Variants in KCNN3 observed in about 807,000 individuals in gnomAD.
KCNN3 encodes small conductance calcium-activated potassium channel protein 3.
A neutral mutation model predicts 62.9 loss-of-function variants in KCNN3; 16 were observed. The observed-to-expected ratio is 0.25, with a 90% CI of 0.17 to 0.39. KCNN3 has a LOEUF of 0.39. KCNN3 is among the 10% of genes least tolerant of loss of function. KCNN3 has a pLI of 1.00. For missense variants in KCNN3, 599 were observed against 949.4 expected (o/e 0.63, Z 4.85); for synonymous variants, 370 against 389.2 (o/e 0.95, Z 0.58).
intron 3 of KCNN3, among the ~76,000 whole-genome samples, chr1:154,734,630 G>T (rs1203820330): frequency 1.3e-5 from 2 of 152,194 alleles, no homozygotes. Flanking sequence ...GATGCATCTA[G>T]AGATGGGCCT....
intron 3 of KCNN3, among the ~76,000 whole-genome samples, chr1:154,748,258 C>G (rs1248662790): frequency 6.6e-6 from 1 of 151,992 alleles, no homozygotes; most frequent in Non-Finnish European, 1.5e-5. Flanking sequence ...TTTCATTGAG[C>G]TCCACCCGCC....
rs1216962625 is a variant in KCNN3 at position 154,706,045 on chromosome 1, T to C, written c.*1931A>G. The C allele has an allele frequency of 6.6e-6, 1 of 152,196 alleles. No homozygotes were observed. The highest frequency in any genetic ancestry group is 1.5e-5 in the Non-Finnish European group (1 of 68,044). 9.4% of individuals were successfully genotyped at this position (152,196 alleles called of 1,614,324 possible). A position where few individuals can be genotyped will look rare whatever the true frequency, so the allele number is the denominator to read the frequency against. ...AGTAAAAAAATAAGCCAACAGCAGGTGCGGCATCTCTGGTATGCAAAACAA... is the reference window on the plus strand; with the variant it reads ...AGTAAAAAAATAAGCCAACAGCAGGCGCGGCATCTCTGGTATGCAAAACAA... On this transcript the variant is annotated 3_prime_UTR_variant, in exon 8 of 8. Transcript: ENST00000271915.
chr1:154,807,353 C>T (rs1650216843), intron 2 of KCNN3, among the ~76,000 whole-genome samples: 1 of 152,198 alleles, frequency 6.6e-6, no homozygotes, highest in South Asian at 2.1e-4. Flanking sequence ...GCCAGCTGCT[C>T]CTTCCCAAGC....
chr1:154,771,915 T>G, intron 3 of KCNN3, 60 bp downstream of exon 3: 1 of 1,553,424 alleles, frequency 6.4e-7, no homozygotes, highest in Non-Finnish European at 8.9e-7. Context: ...GCACCCCTAC[T>G]CCTCCTCCCT....
chr1:154,714,387 G>T (rs1700171698), intron 6 of KCNN3, among the ~76,000 whole-genome samples: 1 of 134,244 alleles, frequency 7.4e-6, no homozygotes, highest in African/African-American at 2.8e-5. Flanking sequence ...GTGTGTGTGG[G>T]GTGTGTGTGT....
intron 2 of KCNN3, among the ~76,000 whole-genome samples, chr1:154,794,230 G>A (rs895646192): frequency 6.6e-6 from 1 of 152,172 alleles, no homozygotes; most frequent in Non-Finnish European, 1.5e-5. Context: ...ACAGTCATTT[G>A]TGCAATTATC....
At chr1:154,852,178 C>T (rs1452920576) in intron 1 of KCNN3, among the ~76,000 whole-genome samples, 2 of 151,708 alleles carry the variant, frequency 1.3e-5, no homozygotes, top group South Asian at 2.1e-4. Flanking sequence ...ATTTTAAGTA[C>T]GTTTTCAACA....
At chr1:154,819,186 T>G (rs1650790554) in intron 2 of KCNN3, among the ~76,000 whole-genome samples, 1 of 152,188 alleles carries the variant, frequency 6.6e-6, no homozygotes, top group Non-Finnish European at 1.5e-5. Context: ...GGATAACTCC[T>G]TCCTCCACTC....
At chr1:154,750,058 C>T (rs1169935763) in intron 3 of KCNN3, among the ~76,000 whole-genome samples, 1 of 152,220 alleles carries the variant, frequency 6.6e-6, no homozygotes, top group Non-Finnish European at 1.5e-5. Context: ...CAACTGCCCA[C>T]AGCCAAGTCA....
intron 2 of KCNN3, among the ~76,000 whole-genome samples, chr1:154,785,949 C>G (rs1386219760): frequency 1.3e-5 from 2 of 152,128 alleles, no homozygotes; most frequent in African/African-American, 4.8e-5. Flanking sequence ...ACAATAGCCC[C>G]ATAAGAAAAG....
At chr1:154,722,249 G>A (rs1224939292) in intron 5 of KCNN3, among the ~76,000 whole-genome samples, 2 of 152,118 alleles carry the variant, frequency 1.3e-5, no homozygotes. Flanking sequence ...GCATATACCG[G>A]TAAGAGACTG....
chr1:154,768,271 C>G (rs997077787), intron 3 of KCNN3, among the ~76,000 whole-genome samples: 1 of 152,252 alleles, frequency 6.6e-6, no homozygotes, highest in Non-Finnish European at 1.5e-5. Context: ...TAAGTCCTGG[C>G]TGAAGGCCTC....
intron 1 of KCNN3, chr1:154,867,827 A>G: frequency 2.9e-6 from 1 of 346,604 alleles, no homozygotes; most frequent in Non-Finnish European, 4.0e-6. Flanking sequence ...ACACACACAC[A>G]CACCAACAAA....
intron 1 of KCNN3, chr1:154,859,889 C>T: frequency 6.8e-7 from 1 of 1,474,862 alleles, no homozygotes; most frequent in Non-Finnish European, 9.1e-7. Flanking sequence ...GAAAAATGCC[C>T]AACAAGCTGA....
intron 3 of KCNN3, chr1:154,737,165 C>G (rs1700728587): frequency 2.1e-6 from 1 of 486,126 alleles, no homozygotes; most frequent in Non-Finnish European, 3.9e-6. Context: ...ATGTCACAAA[C>G]TCACATACTA....
intron 1 of KCNN3, among the ~76,000 whole-genome samples, chr1:154,836,262 G>A (rs1413020914): frequency 6.6e-6 from 1 of 152,230 alleles, no homozygotes; most frequent in Non-Finnish European, 1.5e-5. Context: ...GACTCCCACA[G>A]TACCCCTGGG....
chr1:154,815,754 T>C (rs1314936498), intron 2 of KCNN3, among the ~76,000 whole-genome samples: 1 of 152,238 alleles, frequency 6.6e-6, no homozygotes, highest in African/African-American at 2.4e-5. Context: ...CAGGACACCT[T>C]ACAGGTTACA....
At chr1:154,859,278 T>C (rs1363395564) in intron 1 of KCNN3, among the ~76,000 whole-genome samples, 1 of 152,244 alleles carries the variant, frequency 6.6e-6, no homozygotes, top group Admixed American at 6.5e-5. Context: ...AAAGGGGTTT[T>C]GCTCTGCAAA....
In KCNN3 at chr1:154,862,945, A is replaced by G. The variant is rs1483924067; in HGVS notation, c.933+6087T>C. 6.6e-6 allele frequency among the ~76,000 whole-genome samples: 1 copy of G among 152,120 alleles called. No homozygotes were observed. The highest frequency in any genetic ancestry group is 1.5e-5 in the Non-Finnish European group (1 of 68,010). Reference sequence around the variant, plus strand: ...GGGAGCTAAACGGGCTTGGGTTCTTATCTCAGTGCCACCACCGCTGGCAGT... The same window carrying G: ...GGGAGCTAAACGGGCTTGGGTTCTTGTCTCAGTGCCACCACCGCTGGCAGT... On this transcript the variant is annotated intron_variant, in intron 1 of 7. Coordinates refer to ENST00000271915, the MANE Select transcript of KCNN3 (RefSeq NM_002249.6). This position sits in a 1 kb window ranked among gnomAD's most constrained non-coding sequence, Gnocchi z 4.1.
Sources: allele counts gnomAD v4.1 joint callset (sites outside exome capture counted in the v4.1 genomes callset), GRCh38; gene constraint gnomAD v4.1.1; non-coding constraint Gnocchi (gnomAD v3.1); transcripts MANE v1.5; gene names NCBI Gene and HGNC (gene_info 2026-07-23, HGNC 2026-07-21).